The following CALN1 variants were observed in gnomAD, a reference collection of about 807,000 sequenced individuals.
CALN1 encodes calneuron 1.
Under a neutral mutation model 30.6 loss-of-function variants are expected in CALN1, and 17 were observed. That is an observed-to-expected ratio of 0.56 (90% confidence interval 0.38 to 0.83). The LOEUF (loss-of-function observed/expected upper bound fraction) is 0.83. CALN1 is among the 40% of genes least tolerant of loss of function. CALN1 has a pLI of 0.00. For missense variants in CALN1, 291 were observed against 354.9 expected (o/e 0.82, Z 1.45); for synonymous variants, 156 against 131.4 (o/e 1.19, Z -1.28).
intron 2 of CALN1, among the ~76,000 whole-genome samples, chr7:72,344,653 T>A (rs1347758228): frequency 6.8e-6 from 1 of 146,740 alleles, no homozygotes. Context: ...TATTTTTTTA[T>A]TTATATAAAT....
chr7:72,256,601 A>AT (rs1331350568), intron 3 of CALN1, among the ~76,000 whole-genome samples: 2 of 69,708 alleles, frequency 2.9e-5, no homozygotes, highest in African/African-American at 1.9e-4. Flanking sequence ...TGTTCAATCA[A>AT]TTATTTTTTT....
chr7:72,062,525 A>AAAAAG (rs1803731961), intron 4 of CALN1, among the ~76,000 whole-genome samples: 1 of 148,132 alleles, frequency 6.8e-6, no homozygotes, highest in African/African-American at 2.6e-5. Context: ...AAAAAAAAAA[A>AAAAAG]AAAAAGAAAA....
upstream of CALN1, among the ~76,000 whole-genome samples, chr7:72,416,459 G>A (rs11973148): frequency 0.03 from 4,547 of 152,272 alleles, 222 homozygotes; most frequent in African/African-American, 0.1. Context: ...ACCCGGCTGG[G>A]CACGGTGGCT....
intron 3 of CALN1, among the ~76,000 whole-genome samples, chr7:72,162,120 C>T (rs960271531): frequency 6.6e-6 from 1 of 151,684 alleles, no homozygotes; most frequent in Non-Finnish European, 1.5e-5. Flanking sequence ...TATTATAGCA[C>T]AGAAAGAATA....
At chr7:72,307,354 A>T (rs1043478952) in intron 2 of CALN1, among the ~76,000 whole-genome samples, 1 of 152,224 alleles carries the variant, frequency 6.6e-6, no homozygotes, top group Admixed American at 6.5e-5. Context: ...CAGAGGACAA[A>T]GATTGCATTA....
In CALN1 at chr7:71,784,261, GAT is replaced by G. The variant is rs1792868454; in HGVS notation, c.*3512_*3513del. The G allele has an allele frequency of 6.6e-6, 1 of 152,192 alleles. No individual in the cohort carries two copies. Among genetic ancestry groups the G allele is most frequent in the Non-Finnish European group, 1.5e-5 (1 of 68,050 alleles). The allele number at this position is 152,192 out of a possible 1,614,324, so 9.4% of individuals were successfully genotyped here. A position where few individuals can be genotyped will look rare whatever the true frequency, so the allele number is the denominator to read the frequency against. ...TTCAAATGCCAGACAAAAAGGCAGA[GAT>G]ACCACCCAGATTCTTTAAGGGTAAT... On this transcript the variant is annotated 3_prime_UTR_variant, in exon 7 of 7. Coordinates refer to ENST00000395275, the MANE Select transcript of CALN1 (RefSeq NM_031468.4).
chr7:71,937,742 C>T (rs1795919105), intron 5 of CALN1, among the ~76,000 whole-genome samples: 2 of 152,150 alleles, frequency 1.3e-5, no homozygotes, highest in Non-Finnish European at 2.9e-5. Flanking sequence ...GCCTCCCAAA[C>T]TGATGGGATT....
chr7:72,235,115 A>G (rs973236925), intron 3 of CALN1, among the ~76,000 whole-genome samples: 3 of 151,966 alleles, frequency 2.0e-5, no homozygotes, highest in African/African-American at 7.2e-5. Context: ...TCTGCCAAAA[A>G]AACTAAAAAT....
At chr7:71,923,202 A>G (rs1012041729) in intron 5 of CALN1, among the ~76,000 whole-genome samples, 7 of 152,190 alleles carry the variant, frequency 4.6e-5, no homozygotes, top group African/African-American at 1.2e-4. Flanking sequence ...CGCAATGTAG[A>G]GAAGGCACCC....
intron 2 of CALN1, among the ~76,000 whole-genome samples, chr7:72,355,370 A>C (rs1442530193): frequency 2.0e-5 from 3 of 152,150 alleles, no homozygotes; most frequent in Non-Finnish European, 4.4e-5. Flanking sequence ...TACTAAAAAT[A>C]CAAAAATTAG....
chr7:72,313,214 T>C (rs73361179), intron 2 of CALN1, among the ~76,000 whole-genome samples: 1 of 152,084 alleles, frequency 6.6e-6, no homozygotes, highest in Non-Finnish European at 1.5e-5. Flanking sequence ...ACAAAAGATT[T>C]AGAGGTCAAC....
chr7:72,222,705 G>C (rs1275771183), intron 3 of CALN1, among the ~76,000 whole-genome samples: 1 of 152,050 alleles, frequency 6.6e-6, no homozygotes, highest in African/African-American at 2.4e-5. Context: ...AGACCCCCGT[G>C]GCCAGAAATC....
At chr7:72,375,223 T>C (rs1804486745) in intron 2 of CALN1, among the ~76,000 whole-genome samples, 1 of 152,032 alleles carries the variant, frequency 6.6e-6, no homozygotes, top group Non-Finnish European at 1.5e-5. Flanking sequence ...AAAGCTGAAA[T>C]AAAAATGTTC....
intron 5 of CALN1, among the ~76,000 whole-genome samples, chr7:71,845,288 C>T (rs1790163789): frequency 6.6e-6 from 1 of 152,358 alleles, no homozygotes; most frequent in South Asian, 2.1e-4. Flanking sequence ...AACATCTATA[C>T]TGACGAATTC....
At chr7:72,364,864 G>A (rs527863049) in intron 2 of CALN1, among the ~76,000 whole-genome samples, 31 of 152,222 alleles carry the variant, frequency 2.0e-4, no homozygotes, top group Middle Eastern at 3.4e-3. Context: ...GTGAAACCTC[G>A]TCTCTACTAA....
intron 2 of CALN1, among the ~76,000 whole-genome samples, chr7:72,298,163 G>A (rs1200962812): frequency 6.6e-6 from 1 of 152,090 alleles, no homozygotes; most frequent in African/African-American, 2.4e-5. Flanking sequence ...CCTGTGTATG[G>A]CCAACAACAT....
intron 2 of CALN1, among the ~76,000 whole-genome samples, chr7:72,384,248 G>C (rs1562936990): frequency 6.6e-6 from 1 of 152,130 alleles, no homozygotes; most frequent in Non-Finnish European, 1.5e-5. Context: ...TTTTCCTTGG[G>C]AGGTGAGTGA....
intron 3 of CALN1, among the ~76,000 whole-genome samples, chr7:72,178,270 T>C (rs905798836): frequency 1.3e-5 from 2 of 152,198 alleles, no homozygotes; most frequent in Admixed American, 1.3e-4. Flanking sequence ...TTATTTCAGC[T>C]TGACATTAAA....
intron 5 of CALN1, among the ~76,000 whole-genome samples, chr7:71,837,995 T>C (rs1458469178): frequency 6.6e-6 from 1 of 152,182 alleles, no homozygotes; most frequent in Admixed American, 6.5e-5. Flanking sequence ...TTAATTACAC[T>C]GATTAGTAGA....
Sources: gnomAD v4.1 joint callset for allele counts (sites outside exome capture counted in the v4.1 genomes callset) on GRCh38, gnomAD v4.1.1 for gene constraint, MANE v1.5 for transcripts, NCBI Gene and HGNC (gene_info 2026-07-23, HGNC 2026-07-21) for gene names.